Variants in DPP10 observed in about 807,000 individuals in gnomAD.
The protein encoded by DPP10 is dipeptidyl peptidase like 10.
In DPP10, 33 loss-of-function variants were observed where a neutral mutation model predicts 120.9. That is an observed-to-expected ratio of 0.27 (90% CI 0.21 to 0.37). The LOEUF is 0.37. DPP10 is among the 10% of genes least tolerant of loss of function. The probability of loss-of-function intolerance (pLI) is 1.00; values close to 1 mark genes in which losing one functional copy is unlikely to be tolerated. For synonymous variants in DPP10, 337 were observed against 326.1 expected (o/e 1.03, Z -0.36); for missense variants, 816 against 942.8 (o/e 0.87, Z 1.76).
chr2:115,788,987 G>A lies in DPP10; in HGVS notation c.1532-2094G>A, dbSNP rs190180637. ...CAAAAAATTAGCCGGGTGTGGTGGCGGGCGCCTGTAGTCCCAGCTATTCAG... is the reference window on the plus strand; with the variant it reads ...CAAAAAATTAGCCGGGTGTGGTGGCAGGCGCCTGTAGTCCCAGCTATTCAG... On this transcript the variant is annotated intron_variant, in intron 17 of 25. Transcript: ENST00000410059. Among the ~76,000 whole-genome samples, 458 of 152,018 alleles carry A rather than the reference G, an allele frequency of 3.0e-3. 3 individuals are homozygous for A. The highest frequency in any genetic ancestry group is 0.01 in the Middle Eastern group (3 of 294).
intron 8 of DPP10, among the ~76,000 whole-genome samples, chr2:115,736,165 A>G (rs917008158): frequency 1.3e-5 from 2 of 152,060 alleles, no homozygotes; most frequent in Admixed American, 6.5e-5. Flanking sequence ...ACCAACTTCA[A>G]TATTATGGGA....
At chr2:115,694,365 A>C (rs529269209) in intron 7 of DPP10, among the ~76,000 whole-genome samples, 1 of 152,288 alleles carries the variant, frequency 6.6e-6, no homozygotes, top group African/African-American at 2.4e-5. Flanking sequence ...TATTTGCTGT[A>C]AAAGAAATTC....
At chr2:115,632,859 T>C (rs938201871) in intron 5 of DPP10, among the ~76,000 whole-genome samples, 1 of 152,008 alleles carries the variant, frequency 6.6e-6, no homozygotes, top group African/African-American at 2.4e-5. Context: ...ATCAGAGAAA[T>C]GCAAATCAAA....
At chr2:114,748,341 T>TTC (rs72188577) in intron 1 of DPP10, among the ~76,000 whole-genome samples, 7,087 of 131,128 alleles carry the variant, frequency 0.054, 360 homozygotes, top group African/African-American at 0.075. Context: ...GAATTTTCTT[T>TTC]TTTTTTTTTA....
rs535964452 is a variant in DPP10 at position 115,605,349 on chromosome 2, A to C, written c.441+79377A>C. 4.6e-5 allele frequency among the ~76,000 whole-genome samples: 7 copies of C among 152,212 alleles called. No homozygotes were observed. The South Asian group carries it at 1.5e-3, about 32-fold the overall frequency. ...TTTTCTAAGATGAACAAAAAGATCA[A>C]AATTTTAAACTCTTATCACCCCAGG... On this transcript the variant is annotated intron_variant, in intron 5 of 25. Transcript: ENST00000410059.
At chr2:115,361,909 A>G (rs923156271) in intron 3 of DPP10, among the ~76,000 whole-genome samples, 2 of 151,922 alleles carry the variant, frequency 1.3e-5, no homozygotes, top group African/African-American at 2.4e-5. Context: ...CTAGTCAGCT[A>G]TGTTGGCCCC....
intron 1 of DPP10, among the ~76,000 whole-genome samples, chr2:115,208,193 T>C (rs954361097): frequency 3.4e-5 from 5 of 145,176 alleles, no homozygotes; most frequent in Non-Finnish European, 7.5e-5. Context: ...TTATTTCTCT[T>C]TTTTTTTTTT....
chr2:115,173,419 GT>G (rs2053493193), intron 1 of DPP10, among the ~76,000 whole-genome samples: 2 of 152,104 alleles, frequency 1.3e-5, no homozygotes, highest in African/African-American at 4.8e-5. Flanking sequence ...GCCCATAATT[GT>G]TATGTAAACC....
At chr2:114,833,169 C>A (rs1001032843) in intron 1 of DPP10, among the ~76,000 whole-genome samples, 1 of 151,816 alleles carries the variant, frequency 6.6e-6, no homozygotes, top group Non-Finnish European at 1.5e-5. Flanking sequence ...GTAATAATAT[C>A]ACATTGGCTG....
At chr2:115,202,484 A>C (rs528706719) in intron 1 of DPP10, among the ~76,000 whole-genome samples, 2 of 152,300 alleles carry the variant, frequency 1.3e-5, no homozygotes, top group South Asian at 4.1e-4. Flanking sequence ...TTAATTGGAC[A>C]GCTTTGGTCT....
intron 1 of DPP10, among the ~76,000 whole-genome samples, chr2:114,569,032 G>T (rs1288428271): frequency 6.6e-6 from 1 of 152,060 alleles, no homozygotes; most frequent in Middle Eastern, 3.2e-3. Flanking sequence ...TGACTAAATT[G>T]CTTTTTTATA....
intron 1 of DPP10, among the ~76,000 whole-genome samples, chr2:114,663,256 A>G (rs1021521233): frequency 6.8e-6 from 1 of 147,724 alleles, no homozygotes; most frequent in Non-Finnish European, 1.5e-5. Flanking sequence ...ATATATATAT[A>G]TATCTATATA....
At chr2:114,982,589 T>C (rs1219105858) in intron 1 of DPP10, among the ~76,000 whole-genome samples, 2 of 151,970 alleles carry the variant, frequency 1.3e-5, no homozygotes, top group Non-Finnish European at 2.9e-5. Flanking sequence ...TTACTTCAAA[T>C]ATACATTTTT....
chr2:115,393,753 A>G (rs1423926015), intron 3 of DPP10, among the ~76,000 whole-genome samples: 1 of 152,190 alleles, frequency 6.6e-6, no homozygotes, highest in Non-Finnish European at 1.5e-5. Context: ...GGTAGATCAA[A>G]TTTTCAGACT....
chr2:115,600,208 G>A (rs1484262926), intron 5 of DPP10, among the ~76,000 whole-genome samples: 1 of 151,984 alleles, frequency 6.6e-6, no homozygotes, highest in Non-Finnish European at 1.5e-5. Context: ...GAAACTCCCT[G>A]CTTGCTTCAT....
At chr2:115,806,674 G>A (rs187413669) in intron 19 of DPP10, among the ~76,000 whole-genome samples, 27 of 152,176 alleles carry the variant, frequency 1.8e-4, no homozygotes, top group Admixed American at 1.5e-3. Context: ...TGTATCCTTC[G>A]ATATGTAGCC....
At chr2:115,823,414 T>G (rs1457655365) in intron 21 of DPP10, among the ~76,000 whole-genome samples, 1 of 152,170 alleles carries the variant, frequency 6.6e-6, no homozygotes, top group African/African-American at 2.4e-5. Flanking sequence ...GCTTTTATTT[T>G]TTGTCACATT....
chr2:115,764,829 G>A (rs1201746466), intron 12 of DPP10, among the ~76,000 whole-genome samples: 3 of 152,154 alleles, frequency 2.0e-5, no homozygotes, highest in Non-Finnish European at 4.4e-5. Flanking sequence ...TATGAGCATG[G>A]TAGCAGTAAT....
At chr2:115,496,999 G>T (rs549849764) in intron 3 of DPP10, among the ~76,000 whole-genome samples, 16 of 152,122 alleles carry the variant, frequency 1.1e-4, no homozygotes, top group Admixed American at 2.6e-4. Context: ...CACAGGACTG[G>T]TTGAGTCATG....
Sources: allele counts gnomAD v4.1 joint callset (sites outside exome capture counted in the v4.1 genomes callset), GRCh38; gene constraint gnomAD v4.1.1; transcripts MANE v1.5; gene names NCBI Gene and HGNC (gene_info 2026-07-23, HGNC 2026-07-21).